The following OSBPL1A variants were observed in gnomAD, a reference collection of about 807,000 sequenced individuals.
OSBPL1A encodes the protein oxysterol binding protein like 1A, also known as oxysterol-binding protein-related protein 1.
OSBPL1A carries 80 observed loss-of-function variants against 137.1 expected under a neutral mutation model. That is an observed-to-expected ratio of 0.58 (90% CI 0.49 to 0.70). The LOEUF is 0.70. Ranked by LOEUF, OSBPL1A falls within the 30% of genes least tolerant of loss-of-function variation. The pLI, the probability that OSBPL1A is intolerant of heterozygous loss-of-function variation, is 0.00. For missense variants in OSBPL1A, 970 were observed against 1,129.4 expected (o/e 0.86, Z 2.02); for synonymous variants, 365 against 389.7 (o/e 0.94, Z 0.75).
intron 16 of OSBPL1A, 104 bp from the exon 17 acceptor site, chr18:24,225,302 C>T (rs2088038971): frequency 3.4e-5 from 41 of 1,212,300 alleles, no homozygotes; most frequent in Non-Finnish European, 4.8e-5. Context: ...CCTAAGCAGC[C>T]TACTTTGTCC....
intron 7 of OSBPL1A, among the ~76,000 whole-genome samples, chr18:24,328,089 T>C (rs2091012168): frequency 6.9e-6 from 1 of 144,488 alleles, no homozygotes; most frequent in Non-Finnish European, 1.5e-5. Flanking sequence ...TCACCCAGGC[T>C]GGAGTGTAGT....
At chr18:24,201,872 A>G (rs930478831) in intron 17 of OSBPL1A, among the ~76,000 whole-genome samples, 3 of 152,178 alleles carry the variant, frequency 2.0e-5, no homozygotes, top group Non-Finnish European at 4.4e-5. Flanking sequence ...CACCTCCTGC[A>G]TCTGCTCTGT....
At chr18:24,287,838 G>GT (rs1433421926) in intron 14 of OSBPL1A, among the ~76,000 whole-genome samples, 1 of 132,736 alleles carries the variant, frequency 7.5e-6, no homozygotes, top group East Asian at 2.0e-4. Flanking sequence ...AGAAGTAAAA[G>GT]TGAGCAATAA....
At chr18:24,185,328 C>CTTTTTTT (rs200202342) in intron 18 of OSBPL1A, among the ~76,000 whole-genome samples, 3 of 139,902 alleles carry the variant, frequency 2.1e-5, no homozygotes, top group Non-Finnish European at 3.2e-5. Flanking sequence ...ATTCTTTTTT[C>CTTTTTTT]TTTTTTTTTT....
In OSBPL1A at chr18:24,239,221, T is replaced by G; in HGVS notation, c.1443A>C (p.Ser481=). 1 of 1,613,222 alleles carries G rather than the reference T, an allele frequency of 6.2e-7. No individual in the cohort carries two copies. ...LSEDEFYDAL[S]DSESERSLSR... ...CAGAGGGAAGGATCCCAGAGTTACC[T>G]GACAGCGCATCATAGAACTCGTCCT... Residue 481 remains serine, a splice_region_variant and synonymous_variant, in exon 16 of 28, where the codon TCA becomes TCC. Coordinates refer to ENST00000319481, the MANE Select transcript of OSBPL1A (RefSeq NM_080597.4).
intron 15 of OSBPL1A, among the ~76,000 whole-genome samples, chr18:24,250,030 A>G (rs933602334): frequency 6.6e-6 from 1 of 152,182 alleles, no homozygotes; most frequent in Non-Finnish European, 1.5e-5. Context: ...AAGAGGGCGA[A>G]GAGTAGAGAG....
chr18:24,303,104 G>A (rs539359054), intron 14 of OSBPL1A, among the ~76,000 whole-genome samples: 3 of 151,992 alleles, frequency 2.0e-5, no homozygotes, highest in South Asian at 2.1e-4. Context: ...AGGTTCAAGC[G>A]ATTCTCCTGC....
At position 24,334,351 on chromosome 18, in the gene OSBPL1A, T is replaced by G. The variant is rs1440129023; in HGVS notation, c.395-21A>C. Reference sequence around the variant, plus strand: ...TACAGCTGCAAAAGAAAAGTACTTATTATCCACTGCTAGTCAGGATCCAAT... The same window carrying G: ...TACAGCTGCAAAAGAAAAGTACTTAGTATCCACTGCTAGTCAGGATCCAAT... On this transcript the variant is annotated intron_variant, in intron 5 of 27. Coordinates refer to ENST00000319481, the MANE Select transcript of OSBPL1A (RefSeq NM_080597.4). 3 of 1,571,080 alleles carry G rather than the reference T, an allele frequency of 1.9e-6. No homozygotes were observed. The African/African-American group carries it at 4.1e-5, about 21-fold the overall frequency.
chr18:24,318,259 G>A (rs918304620), intron 9 of OSBPL1A, among the ~76,000 whole-genome samples: 7 of 151,904 alleles, frequency 4.6e-5, no homozygotes, highest in Non-Finnish European at 1.0e-4. Flanking sequence ...GCCTGGCCAA[G>A]GTGTTGAACC....
At chr18:24,244,904 A>G (rs781223815) in intron 15 of OSBPL1A, among the ~76,000 whole-genome samples, 9 of 152,198 alleles carry the variant, frequency 5.9e-5, no homozygotes, top group Non-Finnish European at 1.2e-4. Context: ...TAAGTGGGGA[A>G]TAAGTGATTA....
intron 16 of OSBPL1A, among the ~76,000 whole-genome samples, chr18:24,236,407 C>T (rs921348215): frequency 1.3e-5 from 2 of 152,114 alleles, no homozygotes; most frequent in African/African-American, 4.8e-5. Flanking sequence ...GTAGAGACTA[C>T]AGAGGGAAGA....
Position 24,220,471 on chromosome 18 carries a change from T to C in OSBPL1A, c.1601+4571A>G, listed in dbSNP as rs142415477. 3.8e-3 allele frequency among the ~76,000 whole-genome samples: 577 copies of C among 152,260 alleles called. 5 individuals carry two copies. The highest frequency in any genetic ancestry group is 0.01 in the Middle Eastern group (3 of 294). On this transcript the variant is annotated intron_variant, in intron 17 of 27. Transcript: ENST00000319481. The stretch of plus-strand genomic sequence containing the variant: ...GTACTCTAGGCAGGGAGCCGGGAGA[T>C]AAAAGGAGAGCACAGGCTCCCATTG...
chr18:24,317,005 T>G, intron 11 of OSBPL1A, 144 bp downstream of exon 11: 1 of 723,316 alleles, frequency 1.4e-6, no homozygotes, highest in South Asian at 2.6e-5. Flanking sequence ...CTTTACTTGT[T>G]ATCAAATTAA....
chr18:24,303,753 T>C, intron 13 of OSBPL1A, 35 bp from the exon 14 acceptor site: 1 of 1,538,628 alleles, frequency 6.5e-7, no homozygotes, highest in Non-Finnish European at 9.0e-7. Flanking sequence ...TAAAACAAAG[T>C]AATAAAAGAT....
At chr18:24,378,911 C>T (rs796822753) in intron 1 of OSBPL1A, among the ~76,000 whole-genome samples, 19 of 151,526 alleles carry the variant, frequency 1.3e-4, no homozygotes, top group African/African-American at 4.6e-4. Flanking sequence ...CCCACCCACT[C>T]TCTCAGTTTT....
At chr18:24,234,722 C>T (rs899208482) in intron 16 of OSBPL1A, among the ~76,000 whole-genome samples, 8 of 152,070 alleles carry the variant, frequency 5.3e-5, no homozygotes, top group East Asian at 1.9e-4. Flanking sequence ...TAAAGTAACA[C>T]GAGTTAACAA....
At chr18:24,164,346 A>G (rs2086089554) in intron 27 of OSBPL1A, among the ~76,000 whole-genome samples, 1 of 152,166 alleles carries the variant, frequency 6.6e-6, no homozygotes, top group Admixed American at 6.5e-5. Context: ...GGATGCAAAA[A>G]AAGCAAGCTC....
At chr18:24,359,931 G>T (rs957486603) in intron 4 of OSBPL1A, among the ~76,000 whole-genome samples, 2 of 152,046 alleles carry the variant, frequency 1.3e-5, no homozygotes, top group Non-Finnish European at 2.9e-5. Context: ...AAGCCCAAAG[G>T]TGCCTCAAGA....
intron 5 of OSBPL1A, among the ~76,000 whole-genome samples, chr18:24,338,823 C>A (rs1450480666): frequency 6.6e-6 from 1 of 152,140 alleles, no homozygotes; most frequent in Non-Finnish European, 1.5e-5. Context: ...AAGCAATTCT[C>A]CTGGCTCACC....
Sources: gnomAD v4.1 joint callset for allele counts (sites outside exome capture counted in the v4.1 genomes callset) on GRCh38, gnomAD v4.1.1 for gene constraint, MANE v1.5 for transcripts, NCBI Gene and HGNC (gene_info 2026-07-23, HGNC 2026-07-21) for gene names.